MTERF4: variants seen among roughly 807,000 people sequenced by gnomAD.
The protein encoded by MTERF4 is mitochondrial transcription termination factor 4.
In MTERF4, 17 loss-of-function variants were observed where a neutral mutation model predicts 22.5. The observed-to-expected ratio is 0.75, with a 90% CI of 0.52 to 1.13. The LOEUF is 1.13. Among genes scored for constraint, MTERF4 ranks in the 50% most tolerant of loss-of-function variants. The pLI is 0.00. For missense variants in MTERF4, 420 were observed against 466.8 expected, an observed-to-expected ratio of 0.90 and a Z score of 0.92; for synonymous variants, 165 against 175.3, an observed-to-expected ratio of 0.94 and a Z score of 0.47.
At chr2:241,044,934 T>C in the MTERF4 span, among the ~76,000 whole-genome samples, 2 of 152,198 alleles carry the variant, frequency 1.3e-5, no homozygotes, top group Non-Finnish European at 2.9e-5. Flanking sequence ...TGGAAAGTAC[T>C]GGGGAAACTG....
In MTERF4 at chr2:241,078,345, T is replaced by C. The variant is rs138633993; in HGVS notation, n.480-2663A>G. ...TTGCAGTGAGGTGAGATCGCGCCAC[T>C]GCACTGCAGCCTGGGAGACAGAACT... is the stretch of plus-strand genomic sequence containing the variant. On this transcript the variant is annotated intron_variant and non_coding_transcript_variant, in intron 4 of 4. Transcript: ENST00000464344. 2.4e-4 allele frequency among the ~76,000 whole-genome samples: 34 copies of C among 143,538 alleles called. 1 individual carries two copies. The highest frequency in any genetic ancestry group is 6.1e-4 in the East Asian group (3 of 4,920). The allele number at this position is 143,538 out of a possible 152,430, so 94.2% of individuals were successfully genotyped here. A position where few individuals can be genotyped will look rare whatever the true frequency, so the allele number is the denominator to read the frequency against.
downstream of MTERF4, chr2:241,087,572 C>A: frequency 6.8e-7 from 1 of 1,470,816 alleles, no homozygotes; most frequent in Non-Finnish European, 9.0e-7. Flanking sequence ...GGCCTGTGGG[C>A]TGAGCCAGGC....
downstream of MTERF4, chr2:241,088,450 TG>T (rs746792831): frequency 7.2e-6 from 11 of 1,522,938 alleles, 1 homozygote; most frequent in South Asian, 5.6e-5. Flanking sequence ...TGCTGGGAAG[TG>T]GGGGGCGACT....
chr2:241,064,789 G>T, the MTERF4 span: 2 of 1,321,628 alleles, frequency 1.5e-6, no homozygotes, highest in Non-Finnish European at 2.0e-6. The surrounding 1 kb of genome is among the most constrained non-coding windows in gnomAD (Gnocchi z 7.0). Context: ...GGCGGGGCTG[G>T]AGCAGGGACC....
downstream of MTERF4, chr2:241,092,405 T>C (rs1236887563): frequency 6.6e-6 from 1 of 152,176 alleles, no homozygotes; most frequent in African/African-American, 2.4e-5. This position sits in a 1 kb window ranked among gnomAD's most constrained non-coding sequence, Gnocchi z 4.6. Context: ...TGCGGCTATG[T>C]TCCAATAAAA....
At chr2:241,089,172 C>T, downstream of MTERF4, 1 of 887,090 alleles carries the variant, frequency 1.1e-6, no homozygotes, top group Non-Finnish European at 1.7e-6. Flanking sequence ...CAACCTGTTA[C>T]CAGTTTCATA....
chr2:241,089,960 A>G (rs2063810344), downstream of MTERF4: 5 of 1,545,426 alleles, frequency 3.2e-6, no homozygotes, highest in Non-Finnish European at 4.4e-6. Flanking sequence ...AATAGATATA[A>G]AAGATAAAAA....
chr2:241,081,115 G>A (rs1243592535), intron 4 of MTERF4, among the ~76,000 whole-genome samples: 1 of 152,240 alleles, frequency 6.6e-6, no homozygotes, highest in Non-Finnish European at 1.5e-5. Context: ...GGCCGCCTGG[G>A]CTGGCTGGGG....
At chr2:241,063,886 TGCCCACTGCCCCTCTCTCCTG>T in the MTERF4 span, 15 of 793,186 alleles carry the variant, frequency 1.9e-5, no homozygotes, top group Non-Finnish European at 2.6e-5. Flanking sequence ...GGGCGGGACC[TGCCCACTGCCCCTCTCTCCTG>T]GCCTCCGCCC....
At chr2:241,078,382 C>CAA (rs60965517) in intron 4 of MTERF4, among the ~76,000 whole-genome samples, 2,004 of 116,140 alleles carry the variant, frequency 0.017, 63 homozygotes, top group African/African-American at 0.065. Context: ...GACTCCGTCT[C>CAA]AAAAAAAAAA....
intron 4 of MTERF4, among the ~76,000 whole-genome samples, chr2:241,080,860 G>C (rs940847895): frequency 6.6e-6 from 1 of 152,256 alleles, no homozygotes; most frequent in Admixed American, 6.5e-5. Flanking sequence ...GACCAGTCCA[G>C]GGTGACCACG....
chr2:241,081,722 C>T, intron 4 of MTERF4: 1 of 1,609,854 alleles, frequency 6.2e-7, no homozygotes, highest in Non-Finnish European at 8.5e-7. Flanking sequence ...AACGGAGGCA[C>T]TTGTGTGCCG....
In MTERF4 at chr2:241,097,285, A is replaced by C. The variant is rs1323645872; in HGVS notation, c.663T>G (p.Ser221=). The C allele has an allele frequency of 6.2e-6, 10 of 1,614,206 alleles. No homozygotes were observed. Among genetic ancestry groups the C allele is most frequent in the Non-Finnish European group, 8.5e-6 (10 of 1,180,028 alleles). Residue 221 remains serine, a synonymous_variant, in exon 3 of 4, where the codon TCT becomes TCG. Coordinates refer to ENST00000391980, the MANE Select transcript of MTERF4 (RefSeq NM_182501.4). ...QVTKILHSCP[S]VLREDLGQLE... ...GTTGACCCAGGTCCTCTCGAAGAAC[A>C]GAGGGGCAACTGTGCAAAATCTTGG...
chr2:241,084,986 C>T (rs1172337368), downstream of MTERF4, among the ~76,000 whole-genome samples: 1 of 152,126 alleles, frequency 6.6e-6, no homozygotes, highest in African/African-American at 2.4e-5. Flanking sequence ...GACAAGAAGA[C>T]TGCAGTCATT....
At chr2:241,064,817 A>G in the MTERF4 span, 1 of 1,532,634 alleles carries the variant, frequency 6.5e-7, no homozygotes, top group South Asian at 1.2e-5. The surrounding 1 kb of genome is among the most constrained non-coding windows in gnomAD (Gnocchi z 7.0). Context: ...ACGCCCCAAC[A>G]TACACTGCCA....
At chr2:241,076,796 A>T (rs1237980214) in intron 4 of MTERF4, among the ~76,000 whole-genome samples, 1 of 151,964 alleles carries the variant, frequency 6.6e-6, no homozygotes, top group Non-Finnish European at 1.5e-5. Context: ...CGTGGAAAAG[A>T]ACTGAGAGTC....
downstream of MTERF4, among the ~76,000 whole-genome samples, chr2:241,068,414 G>A (rs560169033): frequency 2.4e-4 from 36 of 152,092 alleles, no homozygotes; most frequent in African/African-American, 7.0e-4. The surrounding 1 kb of genome is among the most constrained non-coding windows in gnomAD (Gnocchi z 5.3). Flanking sequence ...TGATTTGGTC[G>A]CCAACCAAAG....
chr2:241,082,137 C>T (rs145566656), downstream of MTERF4: 2,192 of 667,308 alleles, frequency 3.3e-3, 30 homozygotes, highest in African/African-American at 0.034. Context: ...CTGCAGACCC[C>T]CGGGCCCTCT....
the MTERF4 span, among the ~76,000 whole-genome samples, chr2:241,046,667 A>C: frequency 2.0e-5 from 3 of 152,238 alleles, no homozygotes; most frequent in Non-Finnish European, 4.4e-5. Context: ...GTGACTCTGA[A>C]GAGATAGACC....
Sources: gnomAD v4.1 joint callset for allele counts (sites outside exome capture counted in the v4.1 genomes callset) on GRCh38, gnomAD v4.1.1 for gene constraint, Gnocchi (gnomAD v3.1) non-coding constraint, MANE v1.5 for transcripts, NCBI Gene and HGNC (gene_info 2026-07-23, HGNC 2026-07-21) for gene names.